The following CFAP100 variants were observed in gnomAD, a reference collection of about 807,000 sequenced individuals.
The protein encoded by CFAP100 is cilia- and flagella-associated protein 100.
CFAP100 carries 70 observed loss-of-function variants against 81.5 expected under a neutral mutation model. That is an observed-to-expected ratio of 0.86 (90% CI 0.71 to 1.05). The LOEUF (loss-of-function observed/expected upper bound fraction) is 1.05. Ranked by LOEUF, CFAP100 falls within the 50% of genes least tolerant of loss-of-function variation. The pLI, the probability that CFAP100 is intolerant of heterozygous loss-of-function variation, is 0.00. For synonymous variants in CFAP100, 341 were observed against 314.8 expected (o/e 1.08, Z -0.88); for missense variants, 811 against 776.5 (o/e 1.04, Z -0.53).
At chr3:126,412,484 T>G (rs780565812) in intron 3 of CFAP100, among the ~76,000 whole-genome samples, 5 of 152,258 alleles carry the variant, frequency 3.3e-5, no homozygotes, top group Non-Finnish European at 7.3e-5. Context: ...GGTTCCCTTC[T>G]ATTCCTACTT....
Position 126,419,093 on chromosome 3 carries a change from A to C in CFAP100, c.668A>C (p.Lys223Thr). The C allele has an allele frequency of 6.3e-7, 1 of 1,583,036 alleles. No homozygotes were observed. Among genetic ancestry groups the C allele is most frequent in the Non-Finnish European group, 8.6e-7 (1 of 1,164,072 alleles). ...ACCCCTAGGGCTGAGAAGGAGACCA[A>C]AGCCAAGATAGAGAAGATCCTTGAG... is the stretch of plus-strand genomic sequence containing the variant. ...QAMRAAEKET[K>T]AKIEKILEIR... is the part of the protein sequence containing the mutation. Residue 223 changes from lysine to threonine, a missense_variant, in exon 8 of 17, where the codon AAA becomes ACA. By Grantham distance (78) the Lys-to-Thr change is moderately conservative. Coordinates refer to ENST00000352312, the MANE Select transcript of CFAP100 (RefSeq NM_182628.3).
At chr3:126,432,957 A>C in intron 13 of CFAP100, 112 bp from the exon 14 acceptor site, 1 of 1,237,572 alleles carries the variant, frequency 8.1e-7, no homozygotes, top group Non-Finnish European at 1.1e-6. Context: ...ATGATCCTTC[A>C]GCCCTCAGGA....
At position 126,423,586 on chromosome 3, in the gene CFAP100, G is replaced by A. The variant is rs1264469151; in HGVS notation, c.1228G>A (p.Glu410Lys). The change falls in exon 13 of 17, where the codon GAG becomes AAG. Residue 410 changes from glutamate to lysine, a missense_variant. Transcript: ENST00000352312. ...CCTGTCGCTGATCCAGAACAGCCAG[G>A]AGACGGAGAAGACCCTGGAGGAGCT... ...QNLSLIQNSQ[E>K]TEKTLEELSH... The A allele has an allele frequency of 1.2e-6, 2 of 1,612,204 alleles. No homozygotes were observed. The highest frequency in any genetic ancestry group is 1.6e-4 in the Middle Eastern group (1 of 6,084).
Position 126,418,526 on chromosome 3 carries a change from G to A in CFAP100, c.486+1G>A. Reference sequence around the variant, plus strand: ...GAAGCGGCAAATGTTCCTCCTCCAGGTAGGTCCCGTGGCCCCCAGAGCGAT... The same window carrying A: ...GAAGCGGCAAATGTTCCTCCTCCAGATAGGTCCCGTGGCCCCCAGAGCGAT... On this transcript the variant is annotated splice_donor_variant, in intron 6 of 16. Transcript: ENST00000352312. LOFTEE classifies it high-confidence loss of function. 1 of 1,614,094 alleles carries A rather than the reference G, an allele frequency of 6.2e-7. No individual in the cohort carries two copies. Among genetic ancestry groups the A allele is most frequent in the Non-Finnish European group, 8.5e-7 (1 of 1,180,016 alleles).
rs141288140 is a variant in CFAP100, at chr3:126,436,018, C to G, written c.1723-273C>G. On this transcript the variant is annotated intron_variant, in intron 16 of 16. Transcript: ENST00000352312. ...CCCTACTGCTGTGTCCCAAGGCCCC[C>G]ACCCTTCCTGCCTTCTGACCCTGGC... Among the ~76,000 whole-genome samples the G allele has an allele frequency of 1.1e-4, 16 of 152,330 alleles. No homozygotes were observed. The East Asian group carries it at 3.1e-3, about 29-fold the overall frequency.
At chr3:126,397,873 C>A (rs565867952) in intron 2 of CFAP100, among the ~76,000 whole-genome samples, 2 of 152,362 alleles carry the variant, frequency 1.3e-5, no homozygotes, top group Admixed American at 1.3e-4. Context: ...AGGACCCCCC[C>A]TCAACCAGAG....
chr3:126,395,971 C>T lies in CFAP100; in HGVS notation c.-30C>T. On this transcript the variant is annotated 5_prime_UTR_variant, in exon 2 of 17. Coordinates refer to ENST00000352312, the MANE Select transcript of CFAP100 (RefSeq NM_182628.3). The stretch of plus-strand genomic sequence containing the variant: ...GGATCTCCTTTAGAAGAGGAGAAGC[C>T]TTGCATCAACCTCTTGGGCCTCAGC... The T allele has an allele frequency of 6.2e-7, 1 of 1,601,884 alleles. No homozygotes were observed. The highest frequency in any genetic ancestry group is 1.7e-5 in the Admixed American group (1 of 60,012).
chr3:126,416,233 C>CCCCGGCCTCAGGTCCGCGCGT (rs1023962979), intron 4 of CFAP100, 83 bp from the exon 5 acceptor site: 16 of 1,262,094 alleles, frequency 1.3e-5, no homozygotes, highest in Non-Finnish European at 1.6e-5. Context: ...AAACCCGCGT[C>CCCCGGCCTCAGGTCCGCGCGT]CCTAGGAATG....
At chr3:126,435,069 C>A (rs1933390483) in intron 15 of CFAP100, among the ~76,000 whole-genome samples, 1 of 152,156 alleles carries the variant, frequency 6.6e-6, no homozygotes, top group Non-Finnish European at 1.5e-5. Context: ...ATCCATCCGT[C>A]CCCCCAAGCA....
chr3:126,432,264 C>T (rs1933260211), intron 13 of CFAP100, among the ~76,000 whole-genome samples: 2 of 116,670 alleles, frequency 1.7e-5, no homozygotes, highest in Admixed American at 1.3e-4. Flanking sequence ...GCCTGGGCGA[C>T]TGAGCAAGAC....
intron 2 of CFAP100, among the ~76,000 whole-genome samples, chr3:126,397,918 A>G (rs1485025093): frequency 6.6e-6 from 1 of 152,148 alleles, no homozygotes; most frequent in African/African-American, 2.4e-5. Flanking sequence ...CAAGTAGGGA[A>G]AGGGCATTCT....
intron 5 of CFAP100, among the ~76,000 whole-genome samples, chr3:126,417,641 G>A (rs2083264116): frequency 6.6e-6 from 1 of 152,194 alleles, no homozygotes; most frequent in Admixed American, 6.5e-5. Flanking sequence ...GGGGAGGCGG[G>A]ACTATGACTC....
intron 2 of CFAP100, among the ~76,000 whole-genome samples, chr3:126,402,447 G>A (rs977200796): frequency 2.0e-5 from 3 of 152,212 alleles, no homozygotes; most frequent in Non-Finnish European, 4.4e-5. Context: ...GGAATCACAG[G>A]AAGGAACGGT....
In CFAP100 at chr3:126,416,368, C is replaced by CGAAA. The variant is rs908368714; in HGVS notation, c.280_283dup (p.Val95GlufsTer5). On this transcript the variant is annotated frameshift_variant, in exon 5 of 17. Coordinates refer to ENST00000352312, the MANE Select transcript of CFAP100 (RefSeq NM_182628.3). LOFTEE classifies it high-confidence loss of function. The stretch of plus-strand genomic sequence containing the variant: ...GTGCACCAGAAGATGACCTACTCCT[C>CGAAA]GAAAGTGTCGGCTAAGCACACCAGC... 1.9e-6 allele frequency: 3 copies of CGAAA among 1,611,062 alleles called. No homozygotes were observed. Among genetic ancestry groups the CGAAA allele is most frequent in the African/African-American group, 2.7e-5 (2 of 74,804 alleles).
chr3:126,419,856 T>G (rs754780269), intron 9 of CFAP100, 38 bp downstream of exon 9: 6 of 1,610,468 alleles, frequency 3.7e-6, no homozygotes, highest in Non-Finnish European at 5.1e-6. Context: ...AGGTGGGCTC[T>G]GCCAGTGGCC....
At chr3:126,403,672 C>T (rs147506691) in intron 2 of CFAP100, among the ~76,000 whole-genome samples, 81 of 152,238 alleles carry the variant, frequency 5.3e-4, no homozygotes, top group Non-Finnish European at 8.8e-4. Context: ...CGTAAACCAC[C>T]GCACCTGGCC....
intron 13 of CFAP100, among the ~76,000 whole-genome samples, chr3:126,432,282 C>CAAAA (rs58421889): frequency 7.4e-4 from 57 of 76,720 alleles, no homozygotes; most frequent in African/African-American, 2.8e-3. Flanking sequence ...GACTCCGTCT[C>CAAAA]AAAAAAAAAA....
At chr3:126,419,516 C>G (rs1339188297) in intron 8 of CFAP100, 121 bp from the exon 9 acceptor site, 2 of 880,324 alleles carry the variant, frequency 2.3e-6, no homozygotes, top group African/African-American at 1.7e-5. Flanking sequence ...CACCTTTTCT[C>G]AAGGAAAACA....
At chr3:126,432,429 G>A (rs7644966) in intron 13 of CFAP100, among the ~76,000 whole-genome samples, 34,760 of 151,990 alleles carry the variant, frequency 0.23, 4,203 homozygotes, top group East Asian at 0.36. Flanking sequence ...GAGCCAAAAG[G>A]TGGAAACAAC....
Sources: allele counts gnomAD v4.1 joint callset (sites outside exome capture counted in the v4.1 genomes callset), GRCh38; gene constraint gnomAD v4.1.1; transcripts MANE v1.5; gene names NCBI Gene and HGNC (gene_info 2026-07-23, HGNC 2026-07-21).